RAP1GAP2: variants seen among roughly 807,000 people sequenced by gnomAD.
The protein encoded by RAP1GAP2 is RAP1 GTPase activating protein 2, also known as rap1 GTPase-activating protein 2.
In RAP1GAP2, 27 loss-of-function variants were observed where a neutral mutation model predicts 95.0. The observed-to-expected ratio is 0.28, with a 90% CI of 0.21 to 0.39. The LOEUF is 0.39. Ranked by LOEUF, RAP1GAP2 falls within the 10% of genes least tolerant of loss-of-function variation. RAP1GAP2 has a pLI of 1.00. For missense variants in RAP1GAP2, 771 were observed against 970.0 expected (o/e 0.79, Z 2.72); for synonymous variants, 373 against 380.9 (o/e 0.98, Z 0.24).
At position 3,018,147 on chromosome 17, in the gene RAP1GAP2, C is replaced by G; in HGVS notation, c.1581C>G (p.Leu527=). ...ACAGTGGGGGCATCCCTGGCAGCCTCAGCGGGGGCATCTCCCACAACAGCA... is the reference window on the plus strand; with the variant it reads ...ACAGTGGGGGCATCCCTGGCAGCCTGAGCGGGGGCATCTCCCACAACAGCA... ...KSHSGGIPGS[L]SGGISHNSME... Residue 527 remains leucine (L), a synonymous_variant, in exon 18 of 25, where the codon CTC becomes CTG. Coordinates refer to ENST00000254695, the MANE Select transcript of RAP1GAP2 (RefSeq NM_015085.5). The G allele has an allele frequency of 6.3e-7, 1 of 1,581,160 alleles. No individual in the cohort carries two copies. Among genetic ancestry groups the G allele is most frequent in the Non-Finnish European group, 8.6e-7 (1 of 1,164,204 alleles).
In RAP1GAP2 at chr17:2,862,490, A is replaced by G. The variant is rs551835649; in HGVS notation, c.81-42794A>G. Among the ~76,000 whole-genome samples, 9 of 152,254 alleles carry G rather than the reference A, an allele frequency of 5.9e-5. No individual in the cohort carries two copies. The South Asian group carries it at 1.9e-3, about 32-fold the overall frequency. Reference sequence around the variant, plus strand: ...TGCTGAAGGGCCCAGGAAGTCTCTCAGTCATTTTAAGCAGATGAAGCACCC... The same window carrying G: ...TGCTGAAGGGCCCAGGAAGTCTCTCGGTCATTTTAAGCAGATGAAGCACCC... On this transcript the variant is annotated intron_variant, in intron 2 of 24. Transcript: ENST00000254695.
chr17:3,031,543 G>T (rs183157132), intron 23 of RAP1GAP2, among the ~76,000 whole-genome samples: 1 of 148,098 alleles, frequency 6.8e-6, no homozygotes, highest in Non-Finnish European at 1.5e-5. Context: ...AGAACTCCAG[G>T]TCCAGATGTG....
At chr17:2,998,491 C>T in intron 14 of RAP1GAP2, 115 bp downstream of exon 14, 2 of 1,313,172 alleles carry the variant, frequency 1.5e-6, no homozygotes, top group Non-Finnish European at 1.0e-6. Flanking sequence ...CATGAGTTTG[C>T]AGGTTTCTGG....
In RAP1GAP2 at chr17:3,020,519, C is replaced by T. The variant is rs1378126465; in HGVS notation, c.1675C>T (p.Pro559Ser). The T allele has an allele frequency of 1.9e-6, 3 of 1,613,806 alleles. No individual in the cohort carries two copies. Among genetic ancestry groups the T allele is most frequent in the Non-Finnish European group, 2.5e-6 (3 of 1,179,892 alleles). Residue 559 changes from proline (P) to serine (S), a missense_variant, in exon 19 of 25, where the codon CCC (proline) becomes TCC (serine). Transcript: ENST00000254695. ...AATVKNQSRS[P>S]IKRRSGLFPR... ...AACGGTGAAGAACCAGTCACGGAGTCCCATCAAGCGACGCTCGGGGCTCTT... is the reference window on the plus strand; with the variant it reads ...AACGGTGAAGAACCAGTCACGGAGTTCCATCAAGCGACGCTCGGGGCTCTT...
chr17:2,950,439 C>G (rs1414646947), intron 3 of RAP1GAP2, among the ~76,000 whole-genome samples: 1 of 152,054 alleles, frequency 6.6e-6, no homozygotes, highest in African/African-American at 2.4e-5. Flanking sequence ...GCTAGCCCAC[C>G]TCCAACAGGA....
chr17:2,906,147 C>G lies in RAP1GAP2; in HGVS notation c.165+779C>G, dbSNP rs1349364618. Among the ~76,000 whole-genome samples the G allele has an allele frequency of 6.6e-6, 1 of 151,972 alleles. No homozygotes were observed. Among genetic ancestry groups the G allele is most frequent in the Non-Finnish European group, 1.5e-5 (1 of 67,972 alleles). On this transcript the variant is annotated intron_variant, in intron 3 of 24. Coordinates refer to ENST00000254695, the MANE Select transcript of RAP1GAP2 (RefSeq NM_015085.5). This position sits in a 1 kb window ranked among gnomAD's most constrained non-coding sequence, Gnocchi z 4.3. Reference sequence around the variant, plus strand: ...TCTGTGGAGTGAGTGAGGACTAGTGCTGAAGAAGTCACCTGCCTCCTGAGT... The same window carrying G: ...TCTGTGGAGTGAGTGAGGACTAGTGGTGAAGAAGTCACCTGCCTCCTGAGT...
At chr17:2,872,154 C>T (rs755392592) in intron 2 of RAP1GAP2, among the ~76,000 whole-genome samples, 2 of 131,466 alleles carry the variant, frequency 1.5e-5, no homozygotes, top group Non-Finnish European at 3.1e-5. Flanking sequence ...GTGGAGGTTG[C>T]AGTAAGCTGA....
intron 2 of RAP1GAP2, among the ~76,000 whole-genome samples, chr17:2,832,538 A>G (rs562682920): frequency 7.6e-5 from 11 of 144,036 alleles, no homozygotes; most frequent in East Asian, 6.2e-4. Context: ...AGCCTGGGCG[A>G]CAGAGCGAGA....
intron 3 of RAP1GAP2, among the ~76,000 whole-genome samples, chr17:2,910,447 T>A (rs916544351): frequency 1.3e-5 from 2 of 152,160 alleles, no homozygotes; most frequent in African/African-American, 2.4e-5. Context: ...GAGGCTGGCC[T>A]CTCTCCGAGG....
At chr17:3,024,844 G>A (rs113697483) in intron 19 of RAP1GAP2, among the ~76,000 whole-genome samples, 52 of 152,346 alleles carry the variant, frequency 3.4e-4, no homozygotes, top group Non-Finnish European at 6.9e-4. Context: ...TTACATGAAT[G>A]TCCAGAAGAG....
At chr17:2,860,446 A>G (rs1052735584) in intron 2 of RAP1GAP2, among the ~76,000 whole-genome samples, 4 of 109,210 alleles carry the variant, frequency 3.7e-5, no homozygotes, top group African/African-American at 1.1e-4. Flanking sequence ...CTGAGCCACT[A>G]TTTTAATCTC....
In RAP1GAP2 at chr17:3,005,024, T is replaced by C. The variant is rs2046290471; in HGVS notation, c.1201-345T>C. On this transcript the variant is annotated intron_variant, in intron 14 of 24. Transcript: ENST00000254695. This position sits in a 1 kb window ranked among gnomAD's most constrained non-coding sequence, Gnocchi z 5.2. ...AGGGAGAACAGTTCTCCCTGTGCCTTCTCAGTAGGATTAGCGTCACGGTCG... is the reference window on the plus strand; with the variant it reads ...AGGGAGAACAGTTCTCCCTGTGCCTCCTCAGTAGGATTAGCGTCACGGTCG... 6.6e-6 allele frequency among the ~76,000 whole-genome samples: 1 copy of C among 151,962 alleles called. No homozygotes were observed. Among genetic ancestry groups the C allele is most frequent in the African/African-American group, 2.4e-5 (1 of 41,344 alleles).
chr17:2,833,647 G>A lies in RAP1GAP2; in HGVS notation c.80+33097G>A, dbSNP rs549391751. On this transcript the variant is annotated intron_variant, in intron 2 of 24. Transcript: ENST00000254695. ...GGAGCTTGCAGTGAGCCGAGATCTC[G>A]CCACTGCACTCCAACCTGGGAGACA... is the stretch of plus-strand genomic sequence containing the variant. Among the ~76,000 whole-genome samples the A allele has an allele frequency of 1.8e-4, 24 of 132,494 alleles. No individual in the cohort carries two copies. The South Asian group carries it at 5.1e-3, about 28-fold the overall frequency. 86.9% of individuals were successfully genotyped at this position (132,494 alleles called of 152,430 possible).
chr17:2,869,365 A>G lies in RAP1GAP2; in HGVS notation c.81-35919A>G, dbSNP rs189365854. 3.9e-5 allele frequency among the ~76,000 whole-genome samples: 6 copies of G among 152,204 alleles called. No homozygotes were observed. The East Asian group carries it at 1.2e-3, about 29-fold the overall frequency. On this transcript the variant is annotated intron_variant, in intron 2 of 24. Coordinates refer to ENST00000254695, the MANE Select transcript of RAP1GAP2 (RefSeq NM_015085.5). ...GTTCGGGATGATGATAAAGTTCTGG[A>G]AATGGACAATGGGGTTAGTTGTACA...
At chr17:2,783,762 A>T (rs1226353014) in intron 1 of RAP1GAP2, among the ~76,000 whole-genome samples, 2 of 152,302 alleles carry the variant, frequency 1.3e-5, no homozygotes, top group East Asian at 3.9e-4. Context: ...GAGTGTTTCA[A>T]GGTCTAGGGG....
intron 1 of RAP1GAP2, among the ~76,000 whole-genome samples, chr17:2,761,519 C>A (rs1316698568): frequency 1.3e-5 from 2 of 151,874 alleles, no homozygotes; most frequent in African/African-American, 4.8e-5. Context: ...GACTCCCAGG[C>A]TCAGGTGATC....
intron 4 of RAP1GAP2, 99 bp downstream of exon 4, chr17:2,957,893 G>A (rs2044179198): frequency 1.6e-6 from 2 of 1,259,736 alleles, no homozygotes; most frequent in Non-Finnish European, 2.2e-6. Context: ...CGGGTGCCCT[G>A]GACGGGGGTG....
In RAP1GAP2 at chr17:2,906,776, G is replaced by A. The variant is rs1193958224; in HGVS notation, c.165+1408G>A. 6.6e-6 allele frequency among the ~76,000 whole-genome samples: 1 copy of A among 152,082 alleles called. No individual in the cohort carries two copies. Among genetic ancestry groups the A allele is most frequent in the East Asian group, 1.9e-4 (1 of 5,180 alleles). The stretch of plus-strand genomic sequence containing the variant: ...TGACAGTCTCCTAGGAGGAGTCCCT[G>A]AATTCTCTTGGCAGATTTTACTTAC... On this transcript the variant is annotated intron_variant, in intron 3 of 24. Transcript: ENST00000254695. This position sits in a 1 kb window ranked among gnomAD's most constrained non-coding sequence, Gnocchi z 4.3.
At chr17:2,997,448 C>G (rs2045998375) in intron 13 of RAP1GAP2, among the ~76,000 whole-genome samples, 1 of 152,156 alleles carries the variant, frequency 6.6e-6, no homozygotes, top group Non-Finnish European at 1.5e-5. Flanking sequence ...GTGGCTTCAC[C>G]TGTGTTTGTA....
Sources: gnomAD v4.1 joint callset for allele counts (sites outside exome capture counted in the v4.1 genomes callset) on GRCh38, gnomAD v4.1.1 for gene constraint, Gnocchi (gnomAD v3.1) non-coding constraint, MANE v1.5 for transcripts, NCBI Gene and HGNC (gene_info 2026-07-23, HGNC 2026-07-21) for gene names.